The following PRELID2 variants were observed in gnomAD, a reference collection of about 807,000 sequenced individuals.
PRELID2 encodes PRELI domain containing 2, also known as PRELI domain-containing protein 2.
PRELID2 carries 25 observed loss-of-function variants against 28.4 expected under a neutral mutation model. The observed-to-expected ratio is 0.88, with a 90% CI of 0.64 to 1.23. The LOEUF (loss-of-function observed/expected upper bound fraction) is 1.23. Among genes scored for constraint, PRELID2 ranks in the 50% most tolerant of loss-of-function variants. The pLI, the probability that PRELID2 is intolerant of heterozygous loss-of-function variation, is 0.00. For synonymous variants in PRELID2, 76 were observed against 71.6 expected, an observed-to-expected ratio of 1.06 and a Z score of -0.31; for missense variants, 201 against 214.4, an observed-to-expected ratio of 0.94 and a Z score of 0.39.
chr5:145,344,975 C>T, the PRELID2 span, among the ~76,000 whole-genome samples: 1 of 151,996 alleles, frequency 6.6e-6, no homozygotes, highest in African/African-American at 2.4e-5. Flanking sequence ...AAGTTAGAGT[C>T]TCCTTTTAAA....
the PRELID2 span, among the ~76,000 whole-genome samples, chr5:145,355,028 T>C: frequency 6.6e-6 from 1 of 152,206 alleles, no homozygotes; most frequent in Non-Finnish European, 1.5e-5. Context: ...CTAACTAGTA[T>C]GTAATGAGCC....
At chr5:145,440,578 T>C in the PRELID2 span, among the ~76,000 whole-genome samples, 1 of 152,116 alleles carries the variant, frequency 6.6e-6, no homozygotes, top group Admixed American at 6.6e-5. Flanking sequence ...GAGGAAAATG[T>C]TGTTTTCAGA....
At position 145,487,853 on chromosome 5, in the gene PRELID2, C is replaced by T. The variant is rs116563221; in HGVS notation, n.71-14538G>A. 8.2e-3 allele frequency among the ~76,000 whole-genome samples: 1,239 copies of T among 151,410 alleles called. 12 individuals carry two copies. The highest frequency in any genetic ancestry group is 0.022 in the African/African-American group (925 of 41,322). On this transcript the variant is annotated intron_variant and non_coding_transcript_variant, in intron 1 of 2. Coordinates refer to the PRELID2 transcript ENST00000510259. ...AAGAAATGGAATTGGAGGCCGGGCG[C>T]GTGGCTCATGCCTGTAATCCCAGGA...
At chr5:145,281,211 A>T in the PRELID2 span, among the ~76,000 whole-genome samples, 1 of 152,172 alleles carries the variant, frequency 6.6e-6, no homozygotes, top group African/African-American at 2.4e-5. Flanking sequence ...CCAAATATCC[A>T]ACCCAGAATA....
the PRELID2 span, among the ~76,000 whole-genome samples, chr5:145,231,054 C>A: frequency 1.3e-5 from 2 of 152,152 alleles, no homozygotes. Flanking sequence ...CTAAATACAA[C>A]CCACAGTTAA....
At chr5:145,359,585 G>A in the PRELID2 span, among the ~76,000 whole-genome samples, 1 of 152,166 alleles carries the variant, frequency 6.6e-6, no homozygotes, top group African/African-American at 2.4e-5. Context: ...AAGTAAGCAT[G>A]GTTACAGAAC....
the PRELID2 span, among the ~76,000 whole-genome samples, chr5:145,421,663 G>C: frequency 7.1e-6 from 1 of 141,176 alleles, no homozygotes; most frequent in African/African-American, 2.6e-5. Context: ...TATCAATTTT[G>C]TTGATCCTTT....
chr5:145,249,015 T>C, the PRELID2 span, among the ~76,000 whole-genome samples: 2 of 152,268 alleles, frequency 1.3e-5, no homozygotes, highest in East Asian at 3.9e-4. Flanking sequence ...TATGCTGATG[T>C]TCGTTCAGAT....
chr5:145,524,420 A>T (rs1752590893), intron 1 of PRELID2, among the ~76,000 whole-genome samples: 1 of 152,168 alleles, frequency 6.6e-6, no homozygotes, highest in South Asian at 2.1e-4. Context: ...CCTCAAGAGG[A>T]TGGCCCTAGA....
chr5:145,287,111 C>T, the PRELID2 span, among the ~76,000 whole-genome samples: 1 of 152,104 alleles, frequency 6.6e-6, no homozygotes, highest in Non-Finnish European at 1.5e-5. Context: ...TAGTGATCTC[C>T]TGTTATCCAT....
the PRELID2 span, among the ~76,000 whole-genome samples, chr5:145,387,545 T>A: frequency 6.6e-6 from 1 of 152,178 alleles, no homozygotes; most frequent in Non-Finnish European, 1.5e-5. Context: ...AATTAACCAG[T>A]AAAATGTCTA....
chr5:145,604,934 G>C (rs1402526241), intron 1 of PRELID2, among the ~76,000 whole-genome samples: 6 of 130,664 alleles, frequency 4.6e-5, no homozygotes, highest in Admixed American at 8.4e-5. Flanking sequence ...ATATTCTTCT[G>C]TATATATATA....
the PRELID2 span, among the ~76,000 whole-genome samples, chr5:145,296,911 G>A: frequency 1.3e-5 from 2 of 152,166 alleles, no homozygotes; most frequent in Admixed American, 1.3e-4. Context: ...GTATCTCATT[G>A]TGGTTTTGAT....
the PRELID2 span, among the ~76,000 whole-genome samples, chr5:145,448,397 G>A: frequency 1.8e-4 from 28 of 152,074 alleles, no homozygotes; most frequent in African/African-American, 3.4e-4. Flanking sequence ...AGTAGGTTGC[G>A]AAAATTTTCT....
the PRELID2 span, among the ~76,000 whole-genome samples, chr5:145,295,023 G>A: frequency 6.6e-6 from 1 of 152,120 alleles, no homozygotes; most frequent in African/African-American, 2.4e-5. Flanking sequence ...CATAGATATT[G>A]ATTTCCTCAA....
intron 5 of PRELID2, among the ~76,000 whole-genome samples, chr5:145,783,415 G>C (rs1030679628): frequency 6.6e-6 from 1 of 152,154 alleles, no homozygotes; most frequent in African/African-American, 2.4e-5. Flanking sequence ...TTCATCAGAC[G>C]AAAACTCTAG....
intron 1 of PRELID2, among the ~76,000 whole-genome samples, chr5:145,653,169 G>T (rs950882718): frequency 6.6e-6 from 1 of 152,176 alleles, no homozygotes; most frequent in Non-Finnish European, 1.5e-5. Flanking sequence ...TTACATAATG[G>T]TAAAGGGATC....
intron 1 of PRELID2, among the ~76,000 whole-genome samples, chr5:145,703,278 G>A (rs1755456116): frequency 6.6e-6 from 1 of 152,220 alleles, no homozygotes; most frequent in Non-Finnish European, 1.5e-5. Context: ...GTCAGAGTGG[G>A]CTTTAAGTGA....
the PRELID2 span, among the ~76,000 whole-genome samples, chr5:145,283,667 C>G: frequency 6.6e-6 from 1 of 152,090 alleles, no homozygotes; most frequent in African/African-American, 2.4e-5. Context: ...ATTGCCAAAG[C>G]GAGAGGATCT....
Sources: allele counts gnomAD v4.1 joint callset (sites outside exome capture counted in the v4.1 genomes callset), GRCh38; gene constraint gnomAD v4.1.1; transcripts MANE v1.5; gene names NCBI Gene and HGNC (gene_info 2026-07-23, HGNC 2026-07-21).